WDPCP: variants seen among roughly 807,000 people sequenced by gnomAD.
The protein encoded by WDPCP is WD repeat containing planar cell polarity effector, also known as WD repeat-containing and planar cell polarity effector protein fritz homolog.
Under a neutral mutation model 93.1 loss-of-function variants are expected in WDPCP, and 71 were observed. That is an observed-to-expected ratio of 0.76 (90% CI 0.63 to 0.93). The LOEUF is 0.93. WDPCP is among the 40% of genes least tolerant of loss of function. WDPCP has a pLI of 0.00. For synonymous variants in WDPCP, 315 were observed against 315.0 expected, an observed-to-expected ratio of 1.00 and a Z score of 0.00; for missense variants, 844 against 887.4, an observed-to-expected ratio of 0.95 and a Z score of 0.62.
intron 12 of WDPCP, among the ~76,000 whole-genome samples, chr2:63,325,452 T>C (rs1046249170): frequency 1.3e-5 from 2 of 152,182 alleles, no homozygotes; most frequent in African/African-American, 4.8e-5. Flanking sequence ...CCAGCTCATG[T>C]CATCACCCTC....
At chr2:63,435,970 A>G (rs1460271594) in intron 8 of WDPCP, among the ~76,000 whole-genome samples, 1 of 152,000 alleles carries the variant, frequency 6.6e-6, no homozygotes, top group Non-Finnish European at 1.5e-5. Context: ...TCATCTTTTC[A>G]TAAGAAAAGA....
intron 15 of WDPCP, among the ~76,000 whole-genome samples, chr2:63,171,333 T>C (rs112803086): frequency 6.6e-6 from 1 of 152,160 alleles, no homozygotes; most frequent in African/African-American, 2.4e-5. Flanking sequence ...TCAGAATACA[T>C]AGAAGTATCT....
chr2:63,264,132 C>T (rs1681890792), intron 13 of WDPCP, among the ~76,000 whole-genome samples: 1 of 152,174 alleles, frequency 6.6e-6, no homozygotes, highest in Non-Finnish European at 1.5e-5. Flanking sequence ...AGATGCCTAG[C>T]TATCATGGTT....
At chr2:63,703,498 T>G (rs1309450463) in intron 2 of WDPCP, among the ~76,000 whole-genome samples, 2 of 152,228 alleles carry the variant, frequency 1.3e-5, no homozygotes, top group African/African-American at 4.8e-5. Flanking sequence ...TTTCATGTGT[T>G]TTTTGGCTGC....
intron 1 of WDPCP, among the ~76,000 whole-genome samples, chr2:63,565,947 C>A (rs1707013861): frequency 6.6e-6 from 1 of 152,110 alleles, no homozygotes; most frequent in South Asian, 2.1e-4. Flanking sequence ...ATATCCACTG[C>A]CACCATCATC....
At chr2:63,329,124 T>G (rs939701223) in intron 12 of WDPCP, among the ~76,000 whole-genome samples, 1 of 152,222 alleles carries the variant, frequency 6.6e-6, no homozygotes, top group African/African-American at 2.4e-5. Context: ...TATTACACTG[T>G]ACGTTAGATC....
At chr2:63,624,914 A>T (rs1575732963) in intron 3 of WDPCP, among the ~76,000 whole-genome samples, 1 of 152,368 alleles carries the variant, frequency 6.6e-6, no homozygotes, top group South Asian at 2.1e-4. Flanking sequence ...ATGAACATTG[A>T]TGTGAAAATC....
chr2:63,588,252 C>T lies in WDPCP; in HGVS notation c.20G>A (p.Trp7Ter). Reference sequence around the variant, plus strand: ...CCCGGCCGCTTTGGAGTAGGCGTCCCAGCAAAACTCTCGCCTCATCACCAG... The same window carrying T: ...CCCGGCCGCTTTGGAGTAGGCGTCCTAGCAAAACTCTCGCCTCATCACCAG... The part of the protein sequence containing the change: MRREFC[W>*]DAYSKAAGSR... Residue 7 changes from tryptophan to a stop codon, truncating the protein, a stop_gained, in exon 1 of 18, where the codon TGG becomes TAG. Coordinates refer to ENST00000272321, the MANE Select transcript of WDPCP (RefSeq NM_015910.7). LOFTEE classifies it high-confidence loss of function. 6.3e-7 allele frequency: 1 copy of T among 1,576,826 alleles called. No individual in the cohort carries two copies. The highest frequency in any genetic ancestry group is 1.2e-5 in the South Asian group (1 of 86,476).
At chr2:63,304,917 C>A (rs1038285474) in intron 13 of WDPCP, among the ~76,000 whole-genome samples, 1 of 152,108 alleles carries the variant, frequency 6.6e-6, no homozygotes, top group Non-Finnish European at 1.5e-5. Flanking sequence ...GGGAGAGCGG[C>A]ATCCACCATT....
chr2:63,202,638 T>G, intron 14 of WDPCP, among the ~76,000 whole-genome samples: 1 of 152,184 alleles, frequency 6.6e-6, no homozygotes, highest in East Asian at 1.9e-4. Flanking sequence ...GCTGTTGCTG[T>G]GTTATTAGGA....
intron 2 of WDPCP, among the ~76,000 whole-genome samples, chr2:63,706,784 T>C (rs1189257276): frequency 1.3e-5 from 2 of 151,254 alleles, no homozygotes; most frequent in Non-Finnish European, 3.0e-5. Context: ...GCCCGGCTAA[T>C]TTTTTGTATT....
chr2:63,373,128 C>A (rs2104798343), intron 12 of WDPCP, among the ~76,000 whole-genome samples: 1 of 152,064 alleles, frequency 6.6e-6, no homozygotes, highest in South Asian at 2.1e-4. Flanking sequence ...CATATCAAAA[C>A]AAACAAACAA....
At chr2:63,478,217 G>C (rs1459691157) in intron 6 of WDPCP, among the ~76,000 whole-genome samples, 1 of 152,020 alleles carries the variant, frequency 6.6e-6, no homozygotes, top group African/African-American at 2.4e-5. Flanking sequence ...TAAGAAATTA[G>C]ATAGACAGCA....
chr2:63,239,715 G>T (rs909572705), intron 14 of WDPCP, among the ~76,000 whole-genome samples: 2 of 151,980 alleles, frequency 1.3e-5, no homozygotes. Context: ...TGTTTATTTA[G>T]AAATTCTTGT....
chr2:63,808,287 G>C lies in WDPCP; in HGVS notation n.308+5335C>G, dbSNP rs7603484. ...CTGTTTCCTTAAAATTAATTCCTTCGCTCCCTCTCCCTCTCCCTCTCCCCT... is the reference window on the plus strand; with the variant it reads ...CTGTTTCCTTAAAATTAATTCCTTCCCTCCCTCTCCCTCTCCCTCTCCCCT... On this transcript the variant is annotated intron_variant and non_coding_transcript_variant, in intron 2 of 4. Transcript: ENST00000467687. 6.1e-3 allele frequency among the ~76,000 whole-genome samples: 901 copies of C among 148,792 alleles called. 12 individuals are homozygous for C. Among genetic ancestry groups the C allele is most frequent in the African/African-American group, 0.02 (832 of 40,694 alleles).
chr2:63,468,878 T>C (rs1382760525), intron 6 of WDPCP, among the ~76,000 whole-genome samples: 2 of 152,016 alleles, frequency 1.3e-5, no homozygotes, highest in Non-Finnish European at 2.9e-5. Context: ...AAAGAAAAAA[T>C]TAAAACCTCT....
At chr2:63,438,982 G>A (rs1458606745) in intron 7 of WDPCP, among the ~76,000 whole-genome samples, 1 of 152,058 alleles carries the variant, frequency 6.6e-6, no homozygotes, top group South Asian at 2.1e-4. Context: ...TTCACAGCCC[G>A]AACCTGTATT....
At chr2:63,672,585 C>T (rs1710359309) in intron 2 of WDPCP, among the ~76,000 whole-genome samples, 3 of 151,892 alleles carry the variant, frequency 2.0e-5, no homozygotes, top group Admixed American at 2.0e-4. Flanking sequence ...ATATGCATAA[C>T]CTAAAATTTA....
chr2:63,505,706 A>G (rs1449442075), intron 1 of WDPCP, among the ~76,000 whole-genome samples: 1 of 152,120 alleles, frequency 6.6e-6, no homozygotes, highest in African/African-American at 2.4e-5. Flanking sequence ...TCTGATCTCA[A>G]AAATACCTAC....
Sources: allele counts gnomAD v4.1 joint callset (sites outside exome capture counted in the v4.1 genomes callset), GRCh38; gene constraint gnomAD v4.1.1; transcripts MANE v1.5; gene names NCBI Gene and HGNC (gene_info 2026-07-23, HGNC 2026-07-21).